PBX3: variants seen among roughly 807,000 people sequenced by gnomAD.
PBX3 encodes the protein PBX homeobox 3.
In PBX3, 14 loss-of-function variants were observed where a neutral mutation model predicts 48.5. The ratio of observed to expected loss-of-function variants is 0.29; its 90% confidence interval spans 0.19 to 0.45. The LOEUF (loss-of-function observed/expected upper bound fraction) is 0.45, where lower values mean the gene tolerates loss of function less well. Among genes scored for constraint, PBX3 ranks in the 20% least tolerant of loss-of-function variants. The pLI is 1.00. For synonymous variants in PBX3, 210 were observed against 200.3 expected (o/e 1.05, Z -0.41); for missense variants, 386 against 546.7 (o/e 0.71, Z 2.93).
intron 2 of PBX3, among the ~76,000 whole-genome samples, chr9:125,838,312 A>C (rs986850730): frequency 2.1e-5 from 3 of 139,996 alleles, no homozygotes; most frequent in Non-Finnish European, 4.8e-5. Flanking sequence ...GGTCTCCCAA[A>C]GTGCTAAGAT....
intron 2 of PBX3, among the ~76,000 whole-genome samples, chr9:125,856,682 G>T (rs1017102755): frequency 7.2e-5 from 11 of 152,174 alleles, no homozygotes; most frequent in Non-Finnish European, 1.6e-4. Context: ...CAGTTGTTTG[G>T]TTTGATGTCA....
intron 5 of PBX3, among the ~76,000 whole-genome samples, chr9:125,947,321 T>C (rs7859110): frequency 0.76 from 114,997 of 152,068 alleles, 43,933 homozygotes; most frequent in African/African-American, 0.85. Flanking sequence ...ATTTTGCTTA[T>C]AGTATGTATA....
chr9:125,770,760 G>A (rs73667056), intron 2 of PBX3, among the ~76,000 whole-genome samples: 5,918 of 152,182 alleles, frequency 0.039, 401 homozygotes, highest in African/African-American at 0.13. Context: ...CAGAGATTAT[G>A]TATTTTGGAA....
intron 5 of PBX3, among the ~76,000 whole-genome samples, chr9:125,959,698 C>T (rs1436209899): frequency 6.6e-6 from 1 of 152,132 alleles, no homozygotes; most frequent in Admixed American, 6.5e-5. Flanking sequence ...GAACAGTGAC[C>T]CCACCCAGCC....
chr9:125,748,662 G>T (rs751113105), intron 2 of PBX3, 39 bp downstream of exon 2: 1 of 1,526,488 alleles, frequency 6.6e-7, no homozygotes, highest in South Asian at 1.1e-5. Context: ...GGAGACCCCC[G>T]AGGTGGGGGT....
At chr9:125,877,956 A>T (rs1172548885) in intron 2 of PBX3, among the ~76,000 whole-genome samples, 1 of 152,186 alleles carries the variant, frequency 6.6e-6, no homozygotes, top group Non-Finnish European at 1.5e-5. Context: ...GTTCACCATC[A>T]TATACCGACT....
chr9:125,916,004 G>T, intron 3 of PBX3, 77 bp downstream of exon 3: 1 of 1,546,106 alleles, frequency 6.5e-7, no homozygotes. Flanking sequence ...CCAATTCTGA[G>T]GGCTGTGAGG....
intron 2 of PBX3, among the ~76,000 whole-genome samples, chr9:125,764,935 G>C (rs1317188550): frequency 6.6e-6 from 1 of 152,074 alleles, no homozygotes; most frequent in South Asian, 2.1e-4. Flanking sequence ...TAGACATGGG[G>C]TTCTTGACGG....
chr9:125,855,595 A>G (rs896541902), intron 2 of PBX3, among the ~76,000 whole-genome samples: 2 of 152,176 alleles, frequency 1.3e-5, no homozygotes, highest in African/African-American at 2.4e-5. Context: ...CAGTATATCA[A>G]AACTATGCTT....
At chr9:125,843,734 G>A in intron 2 of PBX3, 1 of 448,292 alleles carries the variant, frequency 2.2e-6, no homozygotes, top group Non-Finnish European at 4.5e-6. Flanking sequence ...CGGCCATGGT[G>A]CAGCGAGGTC....
At chr9:125,853,874 C>T (rs755966161) in intron 2 of PBX3, among the ~76,000 whole-genome samples, 47 of 152,136 alleles carry the variant, frequency 3.1e-4, no homozygotes, top group Non-Finnish European at 6.3e-4. Context: ...TAAGCTGAAG[C>T]TATATTTTAG....
At position 125,942,477 on chromosome 9, in the gene PBX3, G is replaced by C. The variant is rs1479328830; in HGVS notation, c.843+6870G>C. On this transcript the variant is annotated intron_variant, in intron 5 of 8. Coordinates refer to ENST00000373489, the MANE Select transcript of PBX3 (RefSeq NM_006195.6). ...TAAGCTAATTAAAATTTGTAAGTAA[G>C]ATTTCCTTATTAAAAAAACTATTAA... Among the ~76,000 whole-genome samples the C allele has an allele frequency of 2.0e-5, 3 of 152,060 alleles. No homozygotes were observed. In the East Asian group the frequency reaches 5.8e-4, roughly 29 times the overall value.
intron 2 of PBX3, among the ~76,000 whole-genome samples, chr9:125,810,836 GAGAT>G (rs1262980691): frequency 6.6e-6 from 1 of 152,180 alleles, no homozygotes; most frequent in African/African-American, 2.4e-5. Flanking sequence ...AACTGGCAGA[GAGAT>G]AGGCTTTTGG....
chr9:125,962,026 T>C (rs1279690862), intron 6 of PBX3, 76 bp from the exon 7 acceptor site: 5 of 731,942 alleles, frequency 6.8e-6, no homozygotes, highest in Non-Finnish European at 9.7e-6. Context: ...CTTTTTCTCA[T>C]CTCCCTGCCT....
chr9:125,855,724 A>G (rs1197111931), intron 2 of PBX3, among the ~76,000 whole-genome samples: 1 of 152,150 alleles, frequency 6.6e-6, no homozygotes, highest in Admixed American at 6.5e-5. Context: ...TGCATCTAGA[A>G]CCAAATGAGG....
chr9:125,926,579 G>A (rs556033470), intron 3 of PBX3, among the ~76,000 whole-genome samples: 1 of 152,138 alleles, frequency 6.6e-6, no homozygotes, highest in East Asian at 1.9e-4. Context: ...CACTTTGGGA[G>A]GCTGAGGCAG....
chr9:125,856,215 A>T (rs1010392392), intron 2 of PBX3, among the ~76,000 whole-genome samples: 14 of 152,216 alleles, frequency 9.2e-5, no homozygotes, highest in African/African-American at 3.4e-4. Flanking sequence ...TAAAAGATAT[A>T]TTATCTGGTT....
In PBX3 at chr9:125,836,881, A is replaced by T. The variant is rs1407822801; in HGVS notation, c.275-78805A>T. Among the ~76,000 whole-genome samples the T allele has an allele frequency of 5.9e-5, 9 of 152,360 alleles. No individual in the cohort carries two copies. In the East Asian group the frequency reaches 1.5e-3, roughly 26 times the overall value. Reference sequence around the variant, plus strand: ...AGATTAGCAAAGATCAAAAAGTATGATAACAGTGTGATAGAGAACTAGTAT... The same window carrying T: ...AGATTAGCAAAGATCAAAAAGTATGTTAACAGTGTGATAGAGAACTAGTAT... On this transcript the variant is annotated intron_variant, in intron 2 of 8. Coordinates refer to ENST00000373489, the MANE Select transcript of PBX3 (RefSeq NM_006195.6).
At chr9:125,840,365 G>A (rs1431785668) in intron 2 of PBX3, among the ~76,000 whole-genome samples, 7 of 151,920 alleles carry the variant, frequency 4.6e-5, no homozygotes, top group Admixed American at 3.3e-4. Context: ...GCTGTCCTGC[G>A]TATGCTGGCC....
Sources: allele counts gnomAD v4.1 joint callset (sites outside exome capture counted in the v4.1 genomes callset), GRCh38; gene constraint gnomAD v4.1.1; transcripts MANE v1.5; gene names NCBI Gene and HGNC (gene_info 2026-07-23, HGNC 2026-07-21).